ATXN2: variants seen among roughly 807,000 people sequenced by gnomAD.
The protein encoded by ATXN2 is ataxin 2.
Under a neutral mutation model 138.6 loss-of-function variants are expected in ATXN2, and 37 were observed. That is an observed-to-expected ratio of 0.27 (90% CI 0.21 to 0.35). The LOEUF (loss-of-function observed/expected upper bound fraction) is 0.35, where lower values mean the gene tolerates loss of function less well. Among genes scored for constraint, ATXN2 ranks in the 10% least tolerant of loss-of-function variants. The pLI, the probability that ATXN2 is intolerant of heterozygous loss-of-function variation, is 1.00. For synonymous variants in ATXN2, 549 were observed against 543.7 expected, an observed-to-expected ratio of 1.01 and a Z score of -0.13; for missense variants, 1,216 against 1,480.3, an observed-to-expected ratio of 0.82 and a Z score of 2.93.
At chr12:111,514,552 T>C (rs1879750241) in intron 10 of ATXN2, among the ~76,000 whole-genome samples, 1 of 152,138 alleles carries the variant, frequency 6.6e-6, no homozygotes, top group South Asian at 2.1e-4. Flanking sequence ...TAAGACAGAG[T>C]CTGTCTCTGT....
chr12:111,466,396 G>T (rs968005818), intron 20 of ATXN2, among the ~76,000 whole-genome samples: 3 of 151,556 alleles, frequency 2.0e-5, no homozygotes, highest in African/African-American at 7.3e-5. Context: ...AGCTACTCGG[G>T]AGGCTGAGGT....
At chr12:111,595,545 G>A (rs1474559129) in intron 1 of ATXN2, among the ~76,000 whole-genome samples, 1 of 151,808 alleles carries the variant, frequency 6.6e-6, no homozygotes, top group Non-Finnish European at 1.5e-5. Context: ...AAGAGGCTGA[G>A]GTGGGAGAAT....
intron 18 of ATXN2, among the ~76,000 whole-genome samples, chr12:111,482,355 C>G (rs1035762450): frequency 2.0e-5 from 3 of 152,010 alleles, no homozygotes; most frequent in Non-Finnish European, 2.9e-5. Flanking sequence ...CCACCACGCT[C>G]AGCTAATTGT....
intron 18 of ATXN2, among the ~76,000 whole-genome samples, chr12:111,472,206 G>A (rs1225740311): frequency 2.0e-4 from 31 of 152,150 alleles, no homozygotes; most frequent in Non-Finnish European, 1.2e-4. Context: ...GGCAGATGCC[G>A]CGGTAAGCCG....
Position 111,516,608 on chromosome 12 carries a change from T to C in ATXN2, c.1166-245A>G, listed in dbSNP as rs1879869255. Reference sequence around the variant, plus strand: ...CACGTTCCCAAAGGGTTAATTAGGATCTATACACACTATTGAAGAAGACAG... The same window carrying C: ...CACGTTCCCAAAGGGTTAATTAGGACCTATACACACTATTGAAGAAGACAG... On this transcript the variant is annotated intron_variant, in intron 9 of 24. Transcript: ENST00000673436. This position sits in a 1 kb window ranked among gnomAD's most constrained non-coding sequence, Gnocchi z 5.0. 6.6e-6 allele frequency among the ~76,000 whole-genome samples: 1 copy of C among 152,184 alleles called. No individual in the cohort carries two copies. The highest frequency in any genetic ancestry group is 1.5e-5 in the Non-Finnish European group (1 of 68,032).
chr12:111,551,255 C>T (rs1042478396), intron 5 of ATXN2, among the ~76,000 whole-genome samples: 2 of 150,646 alleles, frequency 1.3e-5, no homozygotes, highest in Non-Finnish European at 2.9e-5. Context: ...CGAGATCGTG[C>T]CACTGCACTC....
intron 1 of ATXN2, among the ~76,000 whole-genome samples, chr12:111,562,304 G>C (rs1005460933): frequency 1.9e-4 from 29 of 152,108 alleles, no homozygotes; most frequent in African/African-American, 7.0e-4. Context: ...TGTTATGCAG[G>C]TGCCTGTAGT....
intron 1 of ATXN2, among the ~76,000 whole-genome samples, chr12:111,588,264 T>C (rs1043984188): frequency 6.6e-6 from 1 of 151,820 alleles, no homozygotes; most frequent in African/African-American, 2.4e-5. Context: ...AACTTCAGGG[T>C]TAAAATTACA....
intron 18 of ATXN2, among the ~76,000 whole-genome samples, chr12:111,475,273 G>A (rs933308336): frequency 6.7e-6 from 1 of 149,562 alleles, no homozygotes; most frequent in Non-Finnish European, 1.5e-5. Context: ...GAACCCCAGA[G>A]GGGGAGGTTG....
intron 21 of ATXN2, among the ~76,000 whole-genome samples, chr12:111,458,599 C>T (rs964616080): frequency 1.3e-5 from 2 of 152,200 alleles, no homozygotes; most frequent in Non-Finnish European, 1.5e-5. Context: ...AGTTCCCAGC[C>T]CTCTCTTGAG....
intron 1 of ATXN2, among the ~76,000 whole-genome samples, chr12:111,572,166 G>A (rs1360023312): frequency 1.3e-5 from 2 of 152,062 alleles, no homozygotes; most frequent in East Asian, 1.9e-4. Context: ...TTGGGAGGCC[G>A]CAGCAGGTGG....
chr12:111,567,262 G>A (rs531392211), intron 1 of ATXN2, among the ~76,000 whole-genome samples: 3 of 152,138 alleles, frequency 2.0e-5, no homozygotes, highest in African/African-American at 7.2e-5. Flanking sequence ...AGCACTTTGC[G>A]AAGTTGAGGC....
At chr12:111,481,885 C>A (rs1159044021) in intron 18 of ATXN2, among the ~76,000 whole-genome samples, 1 of 151,970 alleles carries the variant, frequency 6.6e-6, no homozygotes, top group Non-Finnish European at 1.5e-5. Flanking sequence ...TGGTCTCAAA[C>A]TCCTGACCTC....
chr12:111,490,139 G>A lies in ATXN2; in HGVS notation c.1936-1359C>T, dbSNP rs184536837. 8.0e-4 allele frequency among the ~76,000 whole-genome samples: 121 copies of A among 151,016 alleles called. No homozygotes were observed. The Middle Eastern group carries it at 0.037, about 47-fold the overall frequency. On this transcript the variant is annotated intron_variant, in intron 14 of 24. Transcript: ENST00000673436. ...TGAGAATTGCTTGAACCCAGGAGGC[G>A]GAGGTTGCAGTGAGCCAAGATCACA...
intron 23 of ATXN2, chr12:111,455,345 G>A: frequency 2.0e-6 from 1 of 505,490 alleles, no homozygotes; most frequent in Non-Finnish European, 3.6e-6. Flanking sequence ...AGCAGCTGAT[G>A]CAGACAGCAA....
chr12:111,545,732 G>A (rs564134748), intron 5 of ATXN2, among the ~76,000 whole-genome samples: 23 of 152,094 alleles, frequency 1.5e-4, no homozygotes, highest in Middle Eastern at 6.8e-3. Flanking sequence ...GCCAAGGTGG[G>A]AAGACTCTTA....
intron 18 of ATXN2, among the ~76,000 whole-genome samples, chr12:111,480,917 C>T (rs1045939665): frequency 2.0e-5 from 3 of 152,112 alleles, no homozygotes; most frequent in South Asian, 4.1e-4. Flanking sequence ...TCTGATATGA[C>T]ATCAGGAGCA....
intron 14 of ATXN2, among the ~76,000 whole-genome samples, chr12:111,508,698 C>T (rs1207162696): frequency 1.3e-5 from 2 of 152,000 alleles, no homozygotes; most frequent in Admixed American, 6.6e-5. Context: ...CTGCCCACCT[C>T]GGCCTCCCAA....
intron 18 of ATXN2, among the ~76,000 whole-genome samples, chr12:111,473,656 A>C (rs545973938): frequency 1.6e-4 from 24 of 152,282 alleles, no homozygotes; most frequent in Admixed American, 1.5e-3. Flanking sequence ...GGGACATATT[A>C]TCTCCTGGAT....
Sources: allele counts gnomAD v4.1 joint callset (sites outside exome capture counted in the v4.1 genomes callset), GRCh38; gene constraint gnomAD v4.1.1; non-coding constraint Gnocchi (gnomAD v3.1); transcripts MANE v1.5; gene names NCBI Gene and HGNC (gene_info 2026-07-23, HGNC 2026-07-21).